The following SIK3 variants were observed in gnomAD, a reference collection of about 807,000 sequenced individuals.
SIK3 encodes the protein SIK family kinase 3, also known as serine/threonine-protein kinase SIK3.
SIK3 carries 28 observed loss-of-function variants against 144.2 expected under a neutral mutation model. The ratio of observed to expected loss-of-function variants is 0.19; its 90% CI spans 0.14 to 0.27. The LOEUF (loss-of-function observed/expected upper bound fraction) is 0.27, where lower values mean the gene tolerates loss of function less well. SIK3 is among the 10% of genes least tolerant of loss of function. SIK3 has a pLI of 1.00. For missense variants in SIK3, 1,319 were observed against 1,776.0 expected (o/e 0.74, Z 4.62); for synonymous variants, 686 against 676.3 (o/e 1.01, Z -0.22).
intron 3 of SIK3, among the ~76,000 whole-genome samples, chr11:116,942,556 T>A (rs766211939): frequency 1.3e-5 from 2 of 152,010 alleles, no homozygotes; most frequent in African/African-American, 2.4e-5. Context: ...AATGGGCCAG[T>A]AGGAAGAATG....
chr11:117,057,682 G>C (rs534765499), intron 1 of SIK3, among the ~76,000 whole-genome samples: 1 of 152,302 alleles, frequency 6.6e-6, no homozygotes, highest in South Asian at 2.1e-4. Flanking sequence ...CAGCAGTTTA[G>C]AACGTGGGCA....
chr11:116,934,522 A>G (rs1049709120), intron 3 of SIK3, among the ~76,000 whole-genome samples: 5 of 152,232 alleles, frequency 3.3e-5, no homozygotes, highest in Non-Finnish European at 7.3e-5. Flanking sequence ...CAAATAAACT[A>G]AACTTTTTCC....
At chr11:116,870,234 C>A (rs1943895435) in intron 14 of SIK3, 97 bp downstream of exon 14, 2 of 1,572,776 alleles carry the variant, frequency 1.3e-6, no homozygotes, top group African/African-American at 2.7e-5. Context: ...AATGTTGAAG[C>A]TGCACTCTAC....
In SIK3 at chr11:117,095,159, G is replaced by C. The variant is rs144376977; in HGVS notation, c.273+2984C>G. On this transcript the variant is annotated intron_variant, in intron 1 of 24. Transcript: ENST00000445177. ...TACTCAATAAATGAGGTTTACTTTAGTCTCTTAGTTCTTGGAATGGGTCAT... is the reference window on the plus strand; with the variant it reads ...TACTCAATAAATGAGGTTTACTTTACTCTCTTAGTTCTTGGAATGGGTCAT... Among the ~76,000 whole-genome samples, 189 of 131,830 alleles carry C rather than the reference G, an allele frequency of 1.4e-3. 1 individual carries two copies. Among genetic ancestry groups the C allele is most frequent in the African/African-American group, 4.8e-3 (169 of 35,404 alleles). The allele number at this position is 131,830 out of a possible 152,430, so 86.5% of individuals were successfully genotyped here. A position where few individuals can be genotyped will look rare whatever the true frequency, so the allele number is the denominator to read the frequency against.
Position 116,961,946 on chromosome 11 carries a change from T to C in SIK3, c.274-4882A>G, listed in dbSNP as rs547374347. On this transcript the variant is annotated intron_variant, in intron 1 of 24. Transcript: ENST00000445177. ...TCATAGTTCTTTATTATTCATTCTA[T>C]GAGAGGAAAAATTACTATTTCTCCC... Among the ~76,000 whole-genome samples the C allele has an allele frequency of 2.6e-5, 4 of 152,346 alleles. No individual in the cohort carries two copies. The East Asian group carries it at 7.7e-4, about 29-fold the overall frequency.
At chr11:116,935,131 G>A (rs569789785) in intron 3 of SIK3, among the ~76,000 whole-genome samples, 11 of 151,412 alleles carry the variant, frequency 7.3e-5, no homozygotes, top group African/African-American at 2.4e-4. Flanking sequence ...TATGCACCTG[G>A]TAATCTGTTG....
At chr11:116,917,681 T>C (rs1591318249) in intron 4 of SIK3, among the ~76,000 whole-genome samples, 1 of 148,854 alleles carries the variant, frequency 6.7e-6, no homozygotes, top group East Asian at 2.0e-4. Flanking sequence ...TGCACTCCAG[T>C]CTGAGCGACA....
intron 16 of SIK3, 88 bp downstream of exon 16, chr11:116,863,580 A>G: frequency 4.5e-6 from 7 of 1,556,024 alleles, no homozygotes; most frequent in Non-Finnish European, 6.2e-6. Flanking sequence ...CTGACATAAA[A>G]GGGGTACGTT....
chr11:117,059,384 A>C (rs1034589231), intron 1 of SIK3, among the ~76,000 whole-genome samples: 1 of 151,808 alleles, frequency 6.6e-6, no homozygotes, highest in Non-Finnish European at 1.5e-5. Context: ...ATAAAACAGG[A>C]TGTCTTGCTA....
intron 1 of SIK3, among the ~76,000 whole-genome samples, chr11:117,079,753 GA>G (rs1249785212): frequency 6.6e-6 from 1 of 151,010 alleles, no homozygotes; most frequent in East Asian, 1.9e-4. Flanking sequence ...AAAAAAAACA[GA>G]AAAATCTGAC....
At chr11:117,087,956 G>A (rs143044484) in intron 1 of SIK3, among the ~76,000 whole-genome samples, 72 of 152,308 alleles carry the variant, frequency 4.7e-4, no homozygotes, top group Middle Eastern at 3.4e-3. Context: ...TTGGCCAGGC[G>A]TGATGGCTCA....
At chr11:116,892,918 G>C (rs1945205715) in intron 6 of SIK3, among the ~76,000 whole-genome samples, 1 of 152,166 alleles carries the variant, frequency 6.6e-6, no homozygotes, top group Admixed American at 6.5e-5. Flanking sequence ...GAGACATGGA[G>C]GAACCTTATT....
chr11:117,097,778 A>G (rs950398341), intron 1 of SIK3, among the ~76,000 whole-genome samples: 30 of 151,736 alleles, frequency 2.0e-4, no homozygotes, highest in Admixed American at 2.6e-4. Context: ...TTCCCTTATG[A>G]TTCCCTAGCT....
intron 19 of SIK3, 37 bp from the exon 20 acceptor site, chr11:116,859,641 A>G: frequency 6.3e-7 from 1 of 1,575,386 alleles, no homozygotes; most frequent in Non-Finnish European, 8.7e-7. Context: ...CCAAGTGCCC[A>G]GGCCACCAGC....
chr11:116,915,153 T>TGTGTGTGTGTGTGTGTGTGCGC (rs1182331838), intron 4 of SIK3, among the ~76,000 whole-genome samples: 2 of 149,094 alleles, frequency 1.3e-5, no homozygotes, highest in African/African-American at 2.5e-5. Context: ...TGTGTGTGTG[T>TGTGTGTGTGTGTGTGTGTGCGC]GTGTGTGTAT....
intron 1 of SIK3, among the ~76,000 whole-genome samples, chr11:117,054,521 T>A (rs1024147025): frequency 6.6e-6 from 1 of 152,124 alleles, no homozygotes; most frequent in African/African-American, 2.4e-5. Flanking sequence ...TAACTCAGGA[T>A]GAAAGGTACA....
intron 3 of SIK3, among the ~76,000 whole-genome samples, chr11:116,938,204 AGAGGGGAGGGGAGGGGAGGG>A (rs367762787): frequency 5.1e-4 from 4 of 7,892 alleles, no homozygotes; most frequent in Admixed American, 3.2e-3. Context: ...GACTCTATCT[AGAGGGGAGGGGAGGGGAGGG>A]GAGGGGAGGG....
At chr11:117,075,447 C>T (rs761562535) in intron 1 of SIK3, among the ~76,000 whole-genome samples, 2 of 152,142 alleles carry the variant, frequency 1.3e-5, no homozygotes, top group Non-Finnish European at 2.9e-5. Flanking sequence ...CACCAAGTAA[C>T]AAGAGTTAAT....
At chr11:116,850,065 G>C (rs759130712) in intron 21 of SIK3, among the ~76,000 whole-genome samples, 2 of 152,138 alleles carry the variant, frequency 1.3e-5, no homozygotes, top group Non-Finnish European at 2.9e-5. Flanking sequence ...CCAGGCATAA[G>C]CTCTTGGGGC....
Sources: allele counts gnomAD v4.1 joint callset (sites outside exome capture counted in the v4.1 genomes callset), GRCh38; gene constraint gnomAD v4.1.1; transcripts MANE v1.5; gene names NCBI Gene and HGNC (gene_info 2026-07-23, HGNC 2026-07-21).